Variants in MYO5A observed in about 807,000 individuals in gnomAD.
The protein encoded by MYO5A is myosin VA.
Under a neutral mutation model 249.7 loss-of-function variants are expected in MYO5A, and 98 were observed. That is an observed-to-expected ratio of 0.39 (90% CI 0.33 to 0.46). The LOEUF (loss-of-function observed/expected upper bound fraction) is 0.46. Ranked by LOEUF, MYO5A falls within the 20% of genes least tolerant of loss-of-function variation. The probability of loss-of-function intolerance (pLI) is 0.98; values close to 1 mark genes in which losing one functional copy is unlikely to be tolerated. For missense variants in MYO5A, 1,696 were observed against 2,308.8 expected (o/e 0.73, Z 5.44); for synonymous variants, 778 against 810.6 (o/e 0.96, Z 0.68).
chr15:52,356,378 A>AT (rs1250013255), intron 25 of MYO5A, among the ~76,000 whole-genome samples: 3 of 152,052 alleles, frequency 2.0e-5, no homozygotes, highest in African/African-American at 7.2e-5. Context: ...AAAAACTACA[A>AT]TTTTTTCTTA....
chr15:52,497,132 T>C (rs1384112520), intron 1 of MYO5A, among the ~76,000 whole-genome samples: 1 of 152,102 alleles, frequency 6.6e-6, no homozygotes, highest in Non-Finnish European at 1.5e-5. Flanking sequence ...CGGCTAATTT[T>C]TGTATTTTTA....
chr15:52,358,347 A>AAT (rs2040350996), intron 25 of MYO5A, among the ~76,000 whole-genome samples: 1 of 152,168 alleles, frequency 6.6e-6, no homozygotes, highest in African/African-American at 2.4e-5. Flanking sequence ...GATCAACAGG[A>AAT]TGTAATCCTA....
chr15:52,341,980 G>A (rs1392679409), intron 31 of MYO5A, among the ~76,000 whole-genome samples: 1 of 152,140 alleles, frequency 6.6e-6, no homozygotes. Flanking sequence ...CTGATTTGCT[G>A]TTTCACAAAT....
In MYO5A at chr15:52,376,532, C is replaced by G. The variant is rs1363253630; in HGVS notation, c.2235G>C (p.Lys745Asn). 1.2e-6 allele frequency: 2 copies of G among 1,614,038 alleles called. No homozygotes were observed. The highest frequency in any genetic ancestry group is 2.7e-5 in the African/African-American group (2 of 74,924). ...ILDKDKYQFG[K>N]TKIFFRAGQV... ...GACCGGCACGGAAAAAGATCTTTGT[C>G]TTACCAAACTGGTATTTGTCCTTGT... is the stretch of plus-strand genomic sequence containing the variant. Residue 745 changes from lysine to asparagine, a missense_variant, in exon 19 of 42, where the codon AAG becomes AAC. By Grantham distance (94) the Lys-to-Asn change is moderately conservative. Around this residue, in one of 5 missense-constraint regions of MYO5A, gnomAD observed 277 missense variants for 422.4 expected, o/e 0.66. Coordinates refer to ENST00000399233, the MANE Select transcript of MYO5A (RefSeq NM_001382347.1).
At chr15:52,467,302 G>A (rs1202406007) in intron 1 of MYO5A, among the ~76,000 whole-genome samples, 2 of 152,146 alleles carry the variant, frequency 1.3e-5, no homozygotes, top group African/African-American at 4.8e-5. Flanking sequence ...AATTTAGGAT[G>A]CACATGAGGA....
intron 18 of MYO5A, 24 bp downstream of exon 18, chr15:52,379,601 G>A: frequency 6.2e-7 from 1 of 1,600,014 alleles, no homozygotes; most frequent in Non-Finnish European, 8.6e-7. Flanking sequence ...CTGCTCAGAT[G>A]ACGGTAAGCG....
At chr15:52,447,105 G>T (rs1353029846) in intron 1 of MYO5A, among the ~76,000 whole-genome samples, 1 of 152,158 alleles carries the variant, frequency 6.6e-6, no homozygotes, top group East Asian at 1.9e-4. Flanking sequence ...GTGGAGGAAT[G>T]ATATGGTTTG....
intron 1 of MYO5A, among the ~76,000 whole-genome samples, chr15:52,499,251 C>T (rs2077103790): frequency 1.3e-5 from 2 of 152,176 alleles, no homozygotes; most frequent in Admixed American, 1.3e-4. Flanking sequence ...TAACAACTTG[C>T]AAAGAGGATG....
At chr15:52,339,931 A>G (rs1488540818) in intron 32 of MYO5A, among the ~76,000 whole-genome samples, 2 of 152,192 alleles carry the variant, frequency 1.3e-5, no homozygotes, top group African/African-American at 2.4e-5. Flanking sequence ...CTGCCATCAA[A>G]AGCCCAGCCT....
rs117037224 is a variant in MYO5A, at chr15:52,504,039, C to T, written c.27+24741G>A. 6.2e-3 allele frequency among the ~76,000 whole-genome samples: 768 copies of T among 124,062 alleles called. 3 individuals carry two copies. The highest frequency in any genetic ancestry group is 9.5e-3 in the South Asian group (33 of 3,472). 81.4% of individuals were successfully genotyped at this position (124,062 alleles called of 152,430 possible). ...TTTTCTAGACCTTCAAAGGCTGTTG[C>T]TGCTGTTTCTCCTTCTTTTTTTTTT... On this transcript the variant is annotated intron_variant, in intron 1 of 41. Transcript: ENST00000399233.
intron 20 of MYO5A, among the ~76,000 whole-genome samples, chr15:52,374,731 G>T (rs1422180459): frequency 6.6e-6 from 1 of 152,232 alleles, no homozygotes; most frequent in Non-Finnish European, 1.5e-5. Context: ...GGAGCTTCTG[G>T]AAGGAGAGCA....
chr15:52,487,577 A>G (rs1412330657), intron 1 of MYO5A, among the ~76,000 whole-genome samples: 1 of 151,876 alleles, frequency 6.6e-6, no homozygotes, highest in Admixed American at 6.6e-5. Flanking sequence ...TATAAAAATT[A>G]GCCGAGCATG....
At chr15:52,316,591 T>C (rs1004018421) in intron 40 of MYO5A, among the ~76,000 whole-genome samples, 1 of 152,190 alleles carries the variant, frequency 6.6e-6, no homozygotes. Flanking sequence ...GCAATAAATA[T>C]GGTGCCTTGA....
intron 20 of MYO5A, among the ~76,000 whole-genome samples, chr15:52,372,745 G>A (rs1303643229): frequency 6.6e-6 from 1 of 152,106 alleles, no homozygotes; most frequent in Non-Finnish European, 1.5e-5. Flanking sequence ...TATGATTTCT[G>A]TTGGCAACAG....
At chr15:52,380,165 G>A (rs1023259292) in intron 16 of MYO5A, among the ~76,000 whole-genome samples, 7 of 152,232 alleles carry the variant, frequency 4.6e-5, no homozygotes, top group Non-Finnish European at 8.8e-5. Context: ...GCTGGGCGAG[G>A]TAGCTCACAC....
intron 1 of MYO5A, chr15:52,435,558 T>C (rs2075644407): frequency 2.3e-6 from 1 of 431,410 alleles, no homozygotes. Flanking sequence ...ATTACAGGCA[T>C]GAGCCACCAT....
In MYO5A at chr15:52,508,221, TTTC is replaced by T. The variant is rs199805828; in HGVS notation, c.27+20556_27+20558del. Among the ~76,000 whole-genome samples, 89 of 152,344 alleles carry T rather than the reference TTTC, an allele frequency of 5.8e-4. No homozygotes were observed. In the East Asian group the frequency reaches 0.016, roughly 27 times the overall value. ...TAAATTGTAAATTGTCTTTCTCTAT[TTTC>T]TTTTCATAGTATTTCTGGTTCACAC... On this transcript the variant is annotated intron_variant, in intron 1 of 41. Coordinates refer to ENST00000399233, the MANE Select transcript of MYO5A (RefSeq NM_001382347.1).
intron 1 of MYO5A, among the ~76,000 whole-genome samples, chr15:52,525,350 C>T (rs562376652): frequency 4.5e-4 from 69 of 152,174 alleles, no homozygotes; most frequent in Non-Finnish European, 8.2e-4. Flanking sequence ...CCAAAATATT[C>T]GTTTCCAGAC....
intron 1 of MYO5A, among the ~76,000 whole-genome samples, chr15:52,499,156 G>C (rs2077101828): frequency 6.6e-6 from 1 of 152,100 alleles, no homozygotes. Flanking sequence ...TCCATCCCCA[G>C]TTCTAGCTAC....
Sources: gnomAD v4.1 joint callset for allele counts (sites outside exome capture counted in the v4.1 genomes callset) on GRCh38, gnomAD v4.1.1 for gene constraint, gnomAD v4.1.1 regional missense constraint, MANE v1.5 for transcripts, NCBI Gene and HGNC (gene_info 2026-07-23, HGNC 2026-07-21) for gene names.